Variants in CABIN1 observed in about 807,000 individuals in gnomAD.
CABIN1 encodes calcineurin binding protein 1.
Under a neutral mutation model 227.7 loss-of-function variants are expected in CABIN1, and 133 were observed. The observed-to-expected ratio is 0.58, with a 90% CI of 0.51 to 0.67. CABIN1 has a LOEUF of 0.67. Among genes scored for constraint, CABIN1 ranks in the 30% least tolerant of loss-of-function variants. CABIN1 has a pLI of 0.00. For synonymous variants in CABIN1, 1,086 were observed against 1,155.1 expected, an observed-to-expected ratio of 0.94 and a Z score of 1.21; for missense variants, 2,408 against 2,852.5, an observed-to-expected ratio of 0.84 and a Z score of 3.55.
chr22:24,025,874 C>T lies in CABIN1; in HGVS notation c.-74-9570C>T, dbSNP rs183707967. ...TTTGAGACAGGCTTTCACTCTGTTG[C>T]CCAGGCTGGAGTGCGGTGGCACAAT... is the stretch of plus-strand genomic sequence containing the variant. On this transcript the variant is annotated intron_variant, in intron 1 of 36. Coordinates refer to ENST00000263119, the MANE Select transcript of CABIN1 (RefSeq NM_012295.4). Among the ~76,000 whole-genome samples, 32 of 152,254 alleles carry T rather than the reference C, an allele frequency of 2.1e-4. No individual in the cohort carries two copies. The East Asian group carries it at 4.4e-3, about 21-fold the overall frequency.
At chr22:24,170,757 C>CCA (rs1556005524) in intron 33 of CABIN1, among the ~76,000 whole-genome samples, 7 of 148,132 alleles carry the variant, frequency 4.7e-5, no homozygotes, top group African/African-American at 1.8e-4. Context: ...AAACTGCCCC[C>CCA]CCCCCCGCCC....
At chr22:24,058,821 T>C (rs2146347787) in intron 10 of CABIN1, among the ~76,000 whole-genome samples, 1 of 152,224 alleles carries the variant, frequency 6.6e-6, no homozygotes, top group East Asian at 1.9e-4. Context: ...AGGGCCCTTT[T>C]GACCCATAGT....
intron 18 of CABIN1, among the ~76,000 whole-genome samples, chr22:24,075,117 G>A (rs1167150409): frequency 2.0e-5 from 3 of 152,096 alleles, no homozygotes; most frequent in Non-Finnish European, 4.4e-5. Flanking sequence ...AAAGGAGGAT[G>A]ACTTGAGCCC....
intron 29 of CABIN1, among the ~76,000 whole-genome samples, chr22:24,141,471 G>C (rs1282339701): frequency 6.6e-6 from 1 of 152,208 alleles, no homozygotes; most frequent in Non-Finnish European, 1.5e-5. Context: ...CCTGTGCCGG[G>C]GTCTCCAGGA....
At chr22:24,022,233 G>T (rs1207423016) in intron 1 of CABIN1, among the ~76,000 whole-genome samples, 1 of 152,084 alleles carries the variant, frequency 6.6e-6, no homozygotes, top group Non-Finnish European at 1.5e-5. Context: ...CCACTATCAG[G>T]ATAAGGAACA....
intron 26 of CABIN1, among the ~76,000 whole-genome samples, chr22:24,107,016 T>G (rs1170527618): frequency 6.6e-6 from 1 of 152,194 alleles, no homozygotes; most frequent in African/African-American, 2.4e-5. Flanking sequence ...CTTGAGTCCC[T>G]TTTGGTGGCT....
At chr22:24,040,230 G>A (rs2037261038) in intron 4 of CABIN1, among the ~76,000 whole-genome samples, 1 of 152,226 alleles carries the variant, frequency 6.6e-6, no homozygotes, top group Non-Finnish European at 1.5e-5. Flanking sequence ...TAAGTCAGAT[G>A]ACGGTAGAAG....
intron 19 of CABIN1, among the ~76,000 whole-genome samples, chr22:24,081,252 C>T (rs539765456): frequency 2.0e-5 from 3 of 152,128 alleles, no homozygotes; most frequent in South Asian, 4.1e-4. Context: ...GGATTTGGCC[C>T]ATGGGGTGGT....
chr22:24,170,241 C>T (rs779970317), intron 33 of CABIN1: 6 of 434,142 alleles, frequency 1.4e-5, no homozygotes, highest in African/African-American at 6.1e-5. Flanking sequence ...TAGCTGCCAT[C>T]CTCTGGTTCT....
At position 24,019,899 on chromosome 22, in the gene CABIN1, C is replaced by A. The variant is rs568460318; in HGVS notation, c.-75+8532C>A. 1.1e-4 allele frequency among the ~76,000 whole-genome samples: 16 copies of A among 152,154 alleles called. 1 individual carries two copies. The South Asian group carries it at 3.3e-3, about 32-fold the overall frequency. The stretch of plus-strand genomic sequence containing the variant: ...CTTGAACTCCCGACCTCAGATGATC[C>A]ACTCACCTCAGCCTCCCAAAGTGCT... On this transcript the variant is annotated intron_variant, in intron 1 of 36. Coordinates refer to ENST00000263119, the MANE Select transcript of CABIN1 (RefSeq NM_012295.4).
At chr22:24,123,557 A>G (rs1295744999) in intron 28 of CABIN1, among the ~76,000 whole-genome samples, 1 of 152,216 alleles carries the variant, frequency 6.6e-6, no homozygotes. Flanking sequence ...GTTAACACCT[A>G]GCTCCCCTGA....
chr22:24,087,654 T>C lies in CABIN1; in HGVS notation c.3466T>C (p.Phe1156Leu), dbSNP rs2041254648. 6.2e-7 allele frequency: 1 copy of C among 1,614,150 alleles called. No homozygotes were observed. The highest frequency in any genetic ancestry group is 8.5e-7 in the Non-Finnish European group (1 of 1,179,978). Residue 1156 changes from phenylalanine (F) to leucine (L), a missense_variant, in exon 23 of 37, where the codon TTC becomes CTC. Phe to Leu is a conservative substitution (Grantham distance 22). This residue lies in a region of CABIN1 where 649 missense variants were observed against 910.3 expected (regional missense o/e 0.71). Coordinates refer to ENST00000263119, the MANE Select transcript of CABIN1 (RefSeq NM_012295.4). ...CACCATGTCCTATGCCTTGCACTCA[T>C]TCGCCTCACGTCAATTGAAGCAGTG... ...YGTMSYALHS[F>L]ASRQLKQWRG... is the part of the protein sequence containing the mutation.
At chr22:24,143,621 C>G (rs2044918685) in intron 29 of CABIN1, among the ~76,000 whole-genome samples, 1 of 152,142 alleles carries the variant, frequency 6.6e-6, no homozygotes, top group Admixed American at 6.5e-5. Context: ...TGTGCCTGGC[C>G]TTGTTGGGGG....
intron 34 of CABIN1, among the ~76,000 whole-genome samples, chr22:24,175,291 G>A (rs1441489276): frequency 2.0e-5 from 3 of 152,222 alleles, no homozygotes; most frequent in Admixed American, 1.3e-4. Flanking sequence ...GCCTAGCCCA[G>A]CAGTCGCCTG....
chr22:24,013,914 A>T (rs1460355420), intron 1 of CABIN1, among the ~76,000 whole-genome samples: 1 of 152,208 alleles, frequency 6.6e-6, no homozygotes, highest in Admixed American at 6.5e-5. Flanking sequence ...GTTGGCCAGA[A>T]CACAAAGACA....
At chr22:24,170,066 T>G in intron 33 of CABIN1, 1 of 452,268 alleles carries the variant, frequency 2.2e-6, no homozygotes, top group South Asian at 1.6e-5. Context: ...CCTCCCAGTT[T>G]GTGGAGGGGA....
chr22:24,069,177 T>A (rs1361503686), intron 16 of CABIN1, among the ~76,000 whole-genome samples: 1 of 152,244 alleles, frequency 6.6e-6, no homozygotes, highest in Non-Finnish European at 1.5e-5. Flanking sequence ...TTGGATAGTT[T>A]GTGTCTTGTT....
At chr22:24,132,710 G>A (rs1644999084) in intron 28 of CABIN1, among the ~76,000 whole-genome samples, 1 of 152,158 alleles carries the variant, frequency 6.6e-6, no homozygotes, top group Non-Finnish European at 1.5e-5. Flanking sequence ...GCCTCAGCCT[G>A]TTGAGTAGCT....
chr22:24,153,386 G>A (rs1462488923), intron 29 of CABIN1, among the ~76,000 whole-genome samples: 1 of 152,178 alleles, frequency 6.6e-6, no homozygotes, highest in African/African-American at 2.4e-5. Context: ...ACATCCAGGT[G>A]CTTTGTGGGT....
Sources: gnomAD v4.1 joint callset for allele counts (sites outside exome capture counted in the v4.1 genomes callset) on GRCh38, gnomAD v4.1.1 for gene constraint, gnomAD v4.1.1 regional missense constraint, MANE v1.5 for transcripts, NCBI Gene and HGNC (gene_info 2026-07-23, HGNC 2026-07-21) for gene names.